Variants in S100Z observed in about 807,000 individuals in gnomAD.
The protein encoded by S100Z is protein S100-Z.
S100Z carries 11 observed loss-of-function variants against 8.5 expected under a neutral mutation model. The ratio of observed to expected loss-of-function variants is 1.30; its 90% CI spans 0.82 to 2.15. The LOEUF is 2.15. Among genes scored for constraint, S100Z ranks in the 30% most tolerant of loss-of-function variants. The pLI, the probability that S100Z is intolerant of heterozygous loss-of-function variation, is 0.00. For missense variants in S100Z, 126 were observed against 117.9 expected (o/e 1.07, Z -0.32); for synonymous variants, 34 against 43.8 (o/e 0.78, Z 0.89).
At chr5:76,869,314 A>G (rs1032501036) in intron 1 of S100Z, among the ~76,000 whole-genome samples, 1 of 152,138 alleles carries the variant, frequency 6.6e-6, no homozygotes, top group African/African-American at 2.4e-5. Flanking sequence ...AAGGTAGGAA[A>G]TAGGAGAGGA....
rs1171043164 is a variant in S100Z at position 76,888,367 on chromosome 5, A to ATTTTTTTTTT, written c.*2+10550_*2+10559dup. ...TTTTTTTTCCTGGGAAAGTGCTGGTATTTTTTTTTTTTTTTTTTTTTTTTT... is the reference window on the plus strand; with the variant it reads ...TTTTTTTTCCTGGGAAAGTGCTGGTATTTTTTTTTTTTTTTTTTTTTTTTTTTTTTTTTTT... On this transcript the variant is annotated intron_variant, in intron 4 of 4. Transcript: ENST00000317593. Among the ~76,000 whole-genome samples the ATTTTTTTTTT allele has an allele frequency of 2.6e-4, 12 of 45,442 alleles. 2 individuals carry two copies. The East Asian group carries it at 2.7e-3, about 10-fold the overall frequency. The allele number at this position is 45,442 out of a possible 152,430, so 29.8% of individuals were successfully genotyped here.
At chr5:76,891,482 C>T (rs6884325) in intron 4 of S100Z, among the ~76,000 whole-genome samples, 1,967 of 152,246 alleles carry the variant, frequency 0.013, 45 homozygotes, top group African/African-American at 0.044. Context: ...CTGTCTAGGA[C>T]GGCAGCTGCT....
intron 1 of S100Z, among the ~76,000 whole-genome samples, chr5:76,862,484 G>T (rs1305058807): frequency 6.6e-6 from 1 of 152,010 alleles, no homozygotes. Flanking sequence ...GAGTGTTACA[G>T]AATTCTCTTG....
intron 1 of S100Z, among the ~76,000 whole-genome samples, chr5:76,856,691 G>A (rs1750891029): frequency 6.6e-6 from 1 of 152,184 alleles, no homozygotes; most frequent in South Asian, 2.1e-4. Flanking sequence ...AGCAAGATAG[G>A]CAATAGCTGG....
chr5:76,942,687 G>A, the S100Z span, among the ~76,000 whole-genome samples: 63 of 152,256 alleles, frequency 4.1e-4, 2 homozygotes, highest in South Asian at 0.013. Context: ...GCCCCCATAA[G>A]TTGAGCTTGG....
intron 4 of S100Z, among the ~76,000 whole-genome samples, chr5:76,886,699 G>T (rs1338994725): frequency 6.6e-6 from 1 of 152,174 alleles, no homozygotes; most frequent in East Asian, 1.9e-4. Context: ...GTCAGCAAAG[G>T]GTGGTGGATT....
the S100Z span, among the ~76,000 whole-genome samples, chr5:76,946,131 C>T: frequency 1.3e-5 from 2 of 152,210 alleles, no homozygotes; most frequent in African/African-American, 2.4e-5. Context: ...TGGCTGGACA[C>T]AGGGATCTCT....
At chr5:76,951,741 C>T in the S100Z span, among the ~76,000 whole-genome samples, 1 of 152,132 alleles carries the variant, frequency 6.6e-6, no homozygotes, top group South Asian at 2.1e-4. Flanking sequence ...GACATGGTGG[C>T]CAGTGTCCAT....
intron 4 of S100Z, among the ~76,000 whole-genome samples, chr5:76,888,947 C>T (rs6868171): frequency 0.012 from 1,775 of 152,318 alleles, 41 homozygotes; most frequent in African/African-American, 0.039. Context: ...ACTGGCTACA[C>T]GGCCACCCCC....
intron 4 of S100Z, among the ~76,000 whole-genome samples, chr5:76,906,714 C>A (rs1688503443): frequency 6.6e-6 from 1 of 151,068 alleles, no homozygotes; most frequent in South Asian, 2.1e-4. Context: ...CTCAGTGCAA[C>A]CTCCTCCTCC....
the S100Z span, among the ~76,000 whole-genome samples, chr5:76,937,510 C>T: frequency 1.3e-5 from 2 of 152,126 alleles, no homozygotes; most frequent in South Asian, 4.2e-4. Context: ...AATCCCAGCA[C>T]TTTGGCAGGT....
chr5:76,863,695 CA>C (rs1751147489), intron 1 of S100Z, among the ~76,000 whole-genome samples: 2 of 151,980 alleles, frequency 1.3e-5, no homozygotes, highest in Admixed American at 1.3e-4. Context: ...CCCGCCACCA[CA>C]CCCAGCTAAT....
chr5:76,859,381 T>C (rs1750981714), intron 1 of S100Z, among the ~76,000 whole-genome samples: 1 of 152,132 alleles, frequency 6.6e-6, no homozygotes, highest in Non-Finnish European at 1.5e-5. Flanking sequence ...AAGAGAATGC[T>C]CTTTCTAGAA....
At chr5:76,859,781 A>AAAAGAAAT (rs1177992411) in intron 1 of S100Z, among the ~76,000 whole-genome samples, 1 of 147,910 alleles carries the variant, frequency 6.8e-6, no homozygotes, top group African/African-American at 2.6e-5. Flanking sequence ...AAAAAAAAAA[A>AAAAGAAAT]AAAAGAAATA....
chr5:76,856,578 A>C (rs575783696), intron 1 of S100Z, among the ~76,000 whole-genome samples: 1 of 152,360 alleles, frequency 6.6e-6, no homozygotes, highest in East Asian at 1.9e-4. Context: ...ACGCTTGCTG[A>C]CAAAAGTATT....
chr5:76,891,548 G>C (rs1391966863), intron 4 of S100Z, among the ~76,000 whole-genome samples: 1 of 152,156 alleles, frequency 6.6e-6, no homozygotes, highest in South Asian at 2.1e-4. Flanking sequence ...TCAGTAAGTC[G>C]GGGTGGAGCC....
intron 4 of S100Z, among the ~76,000 whole-genome samples, chr5:76,901,183 A>G (rs534874397): frequency 1.3e-5 from 2 of 151,740 alleles, no homozygotes; most frequent in South Asian, 4.2e-4. Flanking sequence ...ACCTGAAGCC[A>G]GCATAGCACT....
chr5:76,942,445 C>CAAAAAAAAAAAAAAAAAAAAAAA, the S100Z span, among the ~76,000 whole-genome samples: 1 of 72,752 alleles, frequency 1.4e-5, no homozygotes, highest in South Asian at 5.9e-4. Context: ...AAAAAAAAAG[C>CAAAAAAAAAAAAAAAAAAAAAAA]AAAAACCTCT....
chr5:76,879,352 GA>G (rs957685676), intron 4 of S100Z, among the ~76,000 whole-genome samples: 61 of 152,106 alleles, frequency 4.0e-4, no homozygotes, highest in East Asian at 5.8e-4. Flanking sequence ...TATGTGGGGG[GA>G]AAAAAATGAC....
Sources: allele counts gnomAD v4.1 joint callset (sites outside exome capture counted in the v4.1 genomes callset), GRCh38; gene constraint gnomAD v4.1.1; transcripts MANE v1.5; gene names NCBI Gene and HGNC (gene_info 2026-07-23, HGNC 2026-07-21).